Variants in PEPD observed in about 807,000 individuals in gnomAD.
PEPD encodes the protein peptidase D.
A neutral mutation model predicts 60.7 loss-of-function variants in PEPD; 53 were observed. That is an observed-to-expected ratio of 0.87 (90% confidence interval 0.70 to 1.10). PEPD has a LOEUF of 1.10. Among genes scored for constraint, PEPD ranks in the 50% least tolerant of loss-of-function variants. The probability of loss-of-function intolerance (pLI) is 0.00; values close to 1 mark genes in which losing one functional copy is unlikely to be tolerated. For synonymous variants in PEPD, 267 were observed against 284.1 expected, an observed-to-expected ratio of 0.94 and a Z score of 0.60; for missense variants, 711 against 711.9, an observed-to-expected ratio of 1.00 and a Z score of 0.01.
chr19:33,401,678 ACGCCACGTCAGATG>A (rs1247069253), intron 12 of PEPD, 29 bp downstream of exon 12: 1 of 1,580,186 alleles, frequency 6.3e-7, no homozygotes, highest in Admixed American at 1.8e-5. Flanking sequence ...AGCGCCCCCA[ACGCCACGTCAGATG>A]CGCCTCCCCC....
intron 3 of PEPD, among the ~76,000 whole-genome samples, chr19:33,505,427 C>T (rs944078659): frequency 2.6e-5 from 4 of 152,032 alleles, no homozygotes; most frequent in South Asian, 2.1e-4. Context: ...CAGCGCTGCC[C>T]GGGAGGCTGG....
rs370221183 is a variant in PEPD, at chr19:33,493,320, C to T, written c.411G>A (p.Thr137=). The T allele has an allele frequency of 8.1e-6, 13 of 1,613,318 alleles. No individual in the cohort carries two copies. The highest frequency in any genetic ancestry group is 1.7e-5 in the Admixed American group (1 of 59,982). ...TGAGGAGGACAGAGGGCTTCTGTGACGTCAGGACGCTGGCAATCTAGAAGG... is the reference window on the plus strand; with the variant it reads ...TGAGGAGGACAGAGGGCTTCTGTGATGTCAGGACGCTGGCAATCTAGAAGG... The part of the protein sequence containing the change: ...QYVDEIASVL[T]SQKPSVLLTL... The change falls in exon 5 of 15, where the codon ACG becomes ACA. Residue 137 remains threonine (T), a synonymous_variant. Coordinates refer to ENST00000244137, the MANE Select transcript of PEPD (RefSeq NM_000285.4).
intron 9 of PEPD, among the ~76,000 whole-genome samples, chr19:33,415,137 C>A (rs1451095230): frequency 6.6e-6 from 1 of 152,178 alleles, no homozygotes; most frequent in African/African-American, 2.4e-5. Context: ...GAGAAGAGGC[C>A]TGACCCACGC....
chr19:33,398,861 C>T (rs1461370892), intron 12 of PEPD, among the ~76,000 whole-genome samples: 2 of 152,228 alleles, frequency 1.3e-5, no homozygotes, highest in African/African-American at 2.4e-5. Flanking sequence ...CGGGAATTCA[C>T]GCTCTCACTC....
intron 7 of PEPD, among the ~76,000 whole-genome samples, chr19:33,466,950 G>T (rs990656142): frequency 1.3e-5 from 2 of 151,958 alleles, no homozygotes; most frequent in Non-Finnish European, 2.9e-5. Flanking sequence ...GAGGTCAGGA[G>T]ATCAAGACTA....
chr19:33,458,774 G>GTCATGTAT (rs1969869644), intron 9 of PEPD, among the ~76,000 whole-genome samples: 1 of 128,998 alleles, frequency 7.8e-6, no homozygotes, highest in Non-Finnish European at 1.7e-5. Flanking sequence ...TGGTATGTGT[G>GTCATGTAT]GGGGTGTGTG....
intron 7 of PEPD, among the ~76,000 whole-genome samples, chr19:33,473,110 G>T (rs1043287081): frequency 3.9e-5 from 6 of 152,144 alleles, no homozygotes; most frequent in African/African-American, 9.7e-5. Context: ...CTGGACCAGG[G>T]CCTGGCCACG....
intron 7 of PEPD, among the ~76,000 whole-genome samples, chr19:33,476,332 T>A (rs1970213969): frequency 6.6e-6 from 1 of 152,178 alleles, no homozygotes; most frequent in Non-Finnish European, 1.5e-5. Context: ...CAGCCCTCTC[T>A]CCCACTGGCA....
At chr19:33,469,622 C>T (rs1318844266) in intron 7 of PEPD, among the ~76,000 whole-genome samples, 1 of 152,076 alleles carries the variant, frequency 6.6e-6, no homozygotes, top group East Asian at 1.9e-4. Context: ...CACACGCCCA[C>T]CTGGGGATCC....
At chr19:33,481,676 T>A (rs1360855302) in intron 6 of PEPD, among the ~76,000 whole-genome samples, 1 of 152,182 alleles carries the variant, frequency 6.6e-6, no homozygotes, top group Non-Finnish European at 1.5e-5. Context: ...ATGTCTTCTA[T>A]GAAATGAATA....
intron 11 of PEPD, among the ~76,000 whole-genome samples, chr19:33,407,256 G>T (rs1968649202): frequency 6.6e-6 from 1 of 152,250 alleles, no homozygotes; most frequent in African/African-American, 2.4e-5. Context: ...GCCTCTCCAG[G>T]ACCTGGGGCG....
intron 12 of PEPD, among the ~76,000 whole-genome samples, chr19:33,401,189 C>A (rs536062965): frequency 6.6e-6 from 1 of 152,322 alleles, no homozygotes; most frequent in African/African-American, 2.4e-5. Flanking sequence ...TGACTGTGAC[C>A]CCTGCAGGGC....
rs552014595 is a variant in PEPD at position 33,486,030 on chromosome 19, C to T, written c.503+3966G>A. On this transcript the variant is annotated intron_variant, in intron 6 of 14. Transcript: ENST00000244137. ...AGGCCACCCAGCCCCTGCCAACAAT[C>T]CCCCAACAGACCATCTCTCCTTCAT... is the stretch of plus-strand genomic sequence containing the variant. 7.9e-5 allele frequency among the ~76,000 whole-genome samples: 12 copies of T among 152,196 alleles called. No homozygotes were observed. In the South Asian group the frequency reaches 1.2e-3, roughly 16 times the overall value.
intron 9 of PEPD, among the ~76,000 whole-genome samples, chr19:33,462,515 C>T (rs550397948): frequency 6.6e-6 from 1 of 152,332 alleles, no homozygotes; most frequent in East Asian, 1.9e-4. Flanking sequence ...CCGGAAGCTC[C>T]CCGGGTGCCA....
intron 9 of PEPD, among the ~76,000 whole-genome samples, chr19:33,451,487 C>T (rs1006244632): frequency 6.6e-5 from 10 of 152,138 alleles, no homozygotes; most frequent in African/African-American, 1.9e-4. Flanking sequence ...AAGGAAATTT[C>T]ACCAACCTTC....
chr19:33,396,650 C>A (rs1190747241), intron 12 of PEPD, among the ~76,000 whole-genome samples: 1 of 135,410 alleles, frequency 7.4e-6, no homozygotes, highest in African/African-American at 2.8e-5. Context: ...GACAGGGGCA[C>A]AGGAGGCTCC....
chr19:33,469,199 T>C (rs557078948), intron 7 of PEPD, among the ~76,000 whole-genome samples: 1 of 152,278 alleles, frequency 6.6e-6, no homozygotes, highest in South Asian at 2.1e-4. Flanking sequence ...GGCCCTTCTC[T>C]ATGGCCACTA....
At chr19:33,506,238 A>T (rs1970805382) in intron 3 of PEPD, among the ~76,000 whole-genome samples, 1 of 144,246 alleles carries the variant, frequency 6.9e-6, no homozygotes, top group Non-Finnish European at 1.5e-5. Context: ...ACCCACACAC[A>T]AGACAGCACA....
chr19:33,412,479 G>T (rs759693041), intron 10 of PEPD, among the ~76,000 whole-genome samples: 1 of 152,210 alleles, frequency 6.6e-6, no homozygotes, highest in Non-Finnish European at 1.5e-5. Flanking sequence ...TCCTGGAGCT[G>T]CCCTGGCGTC....
Sources: gnomAD v4.1 joint callset for allele counts (sites outside exome capture counted in the v4.1 genomes callset) on GRCh38, gnomAD v4.1.1 for gene constraint, MANE v1.5 for transcripts, NCBI Gene and HGNC (gene_info 2026-07-23, HGNC 2026-07-21) for gene names.